Variants in EWSR1 observed in about 807,000 individuals in gnomAD.
The protein encoded by EWSR1 is EWS RNA binding protein 1.
EWSR1 carries 14 observed loss-of-function variants against 92.1 expected under a neutral mutation model. That is an observed-to-expected ratio of 0.15 (90% CI 0.10 to 0.24). The LOEUF is 0.24. Ranked by LOEUF, EWSR1 falls within the 10% of genes least tolerant of loss-of-function variation. EWSR1 has a pLI of 1.00. For missense variants in EWSR1, 637 were observed against 870.9 expected (o/e 0.73, Z 3.38); for synonymous variants, 303 against 292.9 (o/e 1.03, Z -0.35).
intron 10 of EWSR1, 84 bp downstream of exon 10, chr22:29,292,253 C>T (rs2147553792): frequency 7.6e-7 from 1 of 1,308,136 alleles, no homozygotes; most frequent in East Asian, 2.3e-5. Flanking sequence ...AGTTCAGCAG[C>T]CTTATAGACC....
intron 4 of EWSR1, chr22:29,275,555 ACAC>A (rs1469293955): frequency 1.8e-5 from 4 of 225,750 alleles, no homozygotes; most frequent in Non-Finnish European, 2.6e-5. Flanking sequence ...GGGTATAAAA[ACAC>A]CAAAATTAAG....
At chr22:29,279,020 C>T (rs2059349526) in intron 5 of EWSR1, among the ~76,000 whole-genome samples, 1 of 151,146 alleles carries the variant, frequency 6.6e-6, no homozygotes, top group Non-Finnish European at 1.5e-5. Flanking sequence ...TGAAATGGTG[C>T]TATCGAAGGG....
At chr22:29,298,645 T>C in intron 13 of EWSR1, 88 bp from the exon 14 acceptor site, 1 of 1,503,464 alleles carries the variant, frequency 6.7e-7, no homozygotes, top group Non-Finnish European at 9.2e-7. Flanking sequence ...CAGTAGTATC[T>C]GTGGGTTTAC....
rs2061132911 is a variant in EWSR1, at chr22:29,299,148, A to AGT, written c.1581-81_1581-80dup. The AGT allele has an allele frequency of 6.2e-6, 10 of 1,607,204 alleles. No individual in the cohort carries two copies. In the East Asian group the frequency reaches 2.2e-4, roughly 36 times the overall value. ...GTGTACATAGATCCTCTTGATAGTG[A>AGT]GTGTGTACCTGTTCACACACCACCT... On this transcript the variant is annotated intron_variant, in intron 14 of 16. Coordinates refer to ENST00000397938, the MANE Select transcript of EWSR1 (RefSeq NM_005243.4).
intron 4 of EWSR1, chr22:29,277,387 A>G (rs1209017466): frequency 4.5e-6 from 1 of 223,256 alleles, no homozygotes. Context: ...ATTTTAAATA[A>G]TTTACAAAAA....
At chr22:29,288,561 G>C (rs2060222811) in intron 7 of EWSR1, 45 bp from the exon 8 acceptor site, 23 of 1,545,738 alleles carry the variant, frequency 1.5e-5, no homozygotes, top group Non-Finnish European at 2.0e-5. Context: ...TCAGGCAGTG[G>C]TGTAAATGCT....
intron 4 of EWSR1, chr22:29,275,787 T>A (rs1250426574): frequency 4.3e-6 from 1 of 230,278 alleles, no homozygotes; most frequent in Admixed American, 5.6e-5. Flanking sequence ...CTCAATTCAA[T>A]GGAATTCTTA....
intron 11 of EWSR1, among the ~76,000 whole-genome samples, chr22:29,294,711 C>G (rs1028177247): frequency 1.3e-4 from 20 of 151,898 alleles, no homozygotes; most frequent in Middle Eastern, 3.4e-3. Context: ...GTCAAGAGAT[C>G]GAGACCATCC....
chr22:29,291,860 A>C, intron 9 of EWSR1: 1 of 567,896 alleles, frequency 1.8e-6, no homozygotes, highest in East Asian at 2.9e-5. Flanking sequence ...TTAGAGGAAA[A>C]ATTTTGACTT....
intron 5 of EWSR1, among the ~76,000 whole-genome samples, chr22:29,278,647 ACC>A: frequency 6.6e-6 from 1 of 151,982 alleles, no homozygotes; most frequent in East Asian, 1.9e-4. Context: ...ACACGGTGAA[ACC>A]CCGGCTCTGC....
intron 4 of EWSR1, 31 bp downstream of exon 4, chr22:29,273,895 C>T (rs767465663): frequency 6.8e-6 from 11 of 1,612,062 alleles, no homozygotes; most frequent in South Asian, 3.3e-5. Flanking sequence ...ATTTTTGGGT[C>T]GTTCTGGCTA....
Position 29,300,253 on chromosome 22 carries a change from G to A in EWSR1, c.*92G>A. On this transcript the variant is annotated 3_prime_UTR_variant, in exon 17 of 17. Transcript: ENST00000397938. Reference sequence around the variant, plus strand: ...TTTATAATTCCATATTTATAATGTTGGCCACAACATTATGATTATTCCTTG... The same window carrying A: ...TTTATAATTCCATATTTATAATGTTAGCCACAACATTATGATTATTCCTTG... 1 of 1,208,332 alleles carries A rather than the reference G, an allele frequency of 8.3e-7. No individual in the cohort carries two copies. Among genetic ancestry groups the A allele is most frequent in the Non-Finnish European group, 1.2e-6 (1 of 829,672 alleles). 74.9% of individuals were successfully genotyped at this position (1,208,332 alleles called of 1,614,324 possible).
At chr22:29,275,912 G>A (rs2059074481) in intron 4 of EWSR1, 1 of 221,914 alleles carries the variant, frequency 4.5e-6, no homozygotes, top group East Asian at 6.2e-5. Context: ...TTTGCCACTG[G>A]TCTTTTGTTT....
chr22:29,293,999 G>A (rs1426681263), intron 11 of EWSR1, among the ~76,000 whole-genome samples: 1 of 151,976 alleles, frequency 6.6e-6, no homozygotes, highest in Non-Finnish European at 1.5e-5. Context: ...CTCCCGAGTA[G>A]CTGGAATTAC....
intron 6 of EWSR1, among the ~76,000 whole-genome samples, chr22:29,283,281 A>G (rs759178702): frequency 4.6e-5 from 7 of 152,344 alleles, no homozygotes; most frequent in Non-Finnish European, 8.8e-5. Flanking sequence ...TACCTAACAC[A>G]TAAAGGTTTA....
intron 5 of EWSR1, among the ~76,000 whole-genome samples, chr22:29,281,649 C>T (rs550277594): frequency 5.9e-5 from 9 of 152,148 alleles, no homozygotes; most frequent in East Asian, 1.9e-4. Context: ...GGCGCGATCT[C>T]GGCTCACTGC....
rs1417393942 is a variant in EWSR1, at chr22:29,299,129, ATAGATCCTC to A, written c.1581-103_1581-95del. 16 of 1,598,640 alleles carry A rather than the reference ATAGATCCTC, an allele frequency of 1.0e-5. No homozygotes were observed. The East Asian group carries it at 3.1e-4, about 31-fold the overall frequency. On this transcript the variant is annotated intron_variant, in intron 14 of 16. Coordinates refer to ENST00000397938, the MANE Select transcript of EWSR1 (RefSeq NM_005243.4). ...GCTGTGCCCTAAAGCATGGGTGTAC[ATAGATCCTC>A]TTGATAGTGAGTGTGTACCTGTTCA...
intron 9 of EWSR1, 52 bp from the exon 10 acceptor site, chr22:29,292,085 G>A (rs2060481864): frequency 1.3e-6 from 2 of 1,537,510 alleles, no homozygotes; most frequent in Non-Finnish European, 1.8e-6. Flanking sequence ...AAGGTTTGTA[G>A]CTTGCAAGAC....
chr22:29,299,914 C>G, intron 16 of EWSR1, 63 bp downstream of exon 16: 2 of 1,531,774 alleles, frequency 1.3e-6, no homozygotes, highest in East Asian at 4.6e-5. Flanking sequence ...CCCTTCCCAG[C>G]TTGGTTGGCG....
Sources: allele counts gnomAD v4.1 joint callset (sites outside exome capture counted in the v4.1 genomes callset), GRCh38; gene constraint gnomAD v4.1.1; transcripts MANE v1.5; gene names NCBI Gene and HGNC (gene_info 2026-07-23, HGNC 2026-07-21).